PTN: variants seen among roughly 807,000 people sequenced by gnomAD.
PTN encodes pleiotrophin, also known as heparin affin regulatory protein.
A neutral mutation model predicts 24.1 loss-of-function variants in PTN; 18 were observed. That is an observed-to-expected ratio of 0.75 (90% CI 0.52 to 1.11). The LOEUF (loss-of-function observed/expected upper bound fraction) is 1.11. PTN is among the 50% of genes least tolerant of loss of function. PTN has a pLI of 0.00. For missense variants in PTN, 163 were observed against 198.8 expected (o/e 0.82, Z 1.08); for synonymous variants, 78 against 68.6 (o/e 1.14, Z -0.67).
chr7:137,339,276 A>C (rs1810495654), intron 1 of PTN, among the ~76,000 whole-genome samples: 1 of 152,168 alleles, frequency 6.6e-6, no homozygotes, highest in Non-Finnish European at 1.5e-5. Flanking sequence ...AACACAAAGT[A>C]TTAGATATTG....
At chr7:137,233,092 G>A (rs1426405082) in intron 4 of PTN, among the ~76,000 whole-genome samples, 3 of 151,904 alleles carry the variant, frequency 2.0e-5, no homozygotes, top group African/African-American at 7.3e-5. Flanking sequence ...TATGAGCCGT[G>A]TTACAATTCT....
chr7:137,272,919 C>T (rs762591602), intron 1 of PTN, among the ~76,000 whole-genome samples: 22 of 152,300 alleles, frequency 1.4e-4, no homozygotes, highest in East Asian at 5.8e-4. Context: ...AAGTCATGGA[C>T]GCTTGAGGTC....
chr7:137,303,676 A>G (rs974607870), intron 1 of PTN, among the ~76,000 whole-genome samples: 1 of 152,030 alleles, frequency 6.6e-6, no homozygotes, highest in African/African-American at 2.4e-5. Flanking sequence ...TGTTAATCCA[A>G]TTCTCATCAA....
intron 1 of PTN, among the ~76,000 whole-genome samples, chr7:137,283,391 A>C (rs2128876319): frequency 6.6e-6 from 1 of 152,248 alleles, no homozygotes; most frequent in South Asian, 2.1e-4. Context: ...TCCAGCTTTC[A>C]TTTAGGGCTG....
At chr7:137,313,437 C>G (rs1246803034) in intron 1 of PTN, among the ~76,000 whole-genome samples, 1 of 152,136 alleles carries the variant, frequency 6.6e-6, no homozygotes, top group African/African-American at 2.4e-5. Flanking sequence ...GTGAGGACTG[C>G]GGCTCTGCAG....
At chr7:137,337,698 C>T (rs1810471406) in intron 1 of PTN, among the ~76,000 whole-genome samples, 1 of 152,028 alleles carries the variant, frequency 6.6e-6, no homozygotes, top group South Asian at 2.1e-4. Flanking sequence ...AACCAGCAAG[C>T]CTATATGACA....
intron 2 of PTN, among the ~76,000 whole-genome samples, chr7:137,254,609 G>C (rs1192248790): frequency 6.6e-6 from 1 of 151,830 alleles, no homozygotes; most frequent in South Asian, 2.1e-4. Flanking sequence ...TCTATACATA[G>C]TAGCTGCTAA....
At chr7:137,319,923 C>T (rs904445162) in intron 1 of PTN, among the ~76,000 whole-genome samples, 3 of 152,162 alleles carry the variant, frequency 2.0e-5, no homozygotes, top group African/African-American at 7.2e-5. Context: ...AGTCCATACT[C>T]AATACTCCTA....
chr7:137,253,783 T>A, intron 2 of PTN, 146 bp from the exon 3 acceptor site: 1 of 684,406 alleles, frequency 1.5e-6, no homozygotes, highest in Non-Finnish European at 2.2e-6. Flanking sequence ...AGAAACATGA[T>A]GAATATTAAC....
intron 1 of PTN, among the ~76,000 whole-genome samples, chr7:137,336,646 G>A (rs6971766): frequency 0.01 from 1,555 of 152,246 alleles, 26 homozygotes; most frequent in African/African-American, 0.035. Flanking sequence ...GTGGAGGGGC[G>A]AGGCCTTTCA....
At chr7:137,314,119 GAAGAA>G (rs1008501332) in intron 1 of PTN, among the ~76,000 whole-genome samples, 46 of 152,256 alleles carry the variant, frequency 3.0e-4, no homozygotes, top group African/African-American at 1.1e-3. Context: ...TAGAAAGGCA[GAAGAA>G]AATATCTATT....
intron 1 of PTN, among the ~76,000 whole-genome samples, chr7:137,323,098 T>A (rs1810191779): frequency 2.0e-5 from 3 of 152,222 alleles, no homozygotes; most frequent in Admixed American, 6.5e-5. Context: ...ACTTTCATCT[T>A]TGTTGTCCAA....
chr7:137,231,171 C>G (rs1025309472), intron 4 of PTN, among the ~76,000 whole-genome samples: 2 of 151,912 alleles, frequency 1.3e-5, no homozygotes, highest in African/African-American at 4.8e-5. Context: ...ACCTCCAACC[C>G]ATGGCACAGG....
chr7:137,270,954 T>C (rs1809262910), intron 1 of PTN, among the ~76,000 whole-genome samples: 1 of 152,166 alleles, frequency 6.6e-6, no homozygotes, highest in African/African-American at 2.4e-5. Flanking sequence ...AATTCTCACT[T>C]TTCCTTCCTC....
intron 1 of PTN, among the ~76,000 whole-genome samples, chr7:137,327,159 T>C (rs1193971740): frequency 6.6e-6 from 1 of 152,176 alleles, no homozygotes; most frequent in African/African-American, 2.4e-5. Flanking sequence ...AGCATTACGT[T>C]TTCAAACCTA....
At chr7:137,240,856 C>A (rs544395609) in intron 4 of PTN, among the ~76,000 whole-genome samples, 1 of 152,348 alleles carries the variant, frequency 6.6e-6, no homozygotes, top group African/African-American at 2.4e-5. Context: ...CTAGAGTCGA[C>A]TGCCTTGCAT....
chr7:137,275,360 C>A (rs377490482), intron 1 of PTN, among the ~76,000 whole-genome samples: 6 of 152,096 alleles, frequency 3.9e-5, no homozygotes, highest in African/African-American at 1.4e-4. Flanking sequence ...AGCTGAAGCC[C>A]CAGAATTATC....
chr7:137,260,937 T>C (rs1381512522), intron 1 of PTN, among the ~76,000 whole-genome samples: 2 of 152,124 alleles, frequency 1.3e-5, no homozygotes, highest in Non-Finnish European at 2.9e-5. Context: ...TAAAGAAATG[T>C]TTTCCTTCAT....
intron 1 of PTN, among the ~76,000 whole-genome samples, chr7:137,286,297 T>G (rs1342610940): frequency 1.3e-5 from 2 of 152,186 alleles, no homozygotes; most frequent in Non-Finnish European, 2.9e-5. Flanking sequence ...GGTTTGATAG[T>G]TGGAAAAATT....
Sources: allele counts gnomAD v4.1 joint callset (sites outside exome capture counted in the v4.1 genomes callset), GRCh38; gene constraint gnomAD v4.1.1; transcripts MANE v1.5; gene names NCBI Gene and HGNC (gene_info 2026-07-23, HGNC 2026-07-21).